Variants in ACAP2 observed in about 807,000 individuals in gnomAD.
The protein encoded by ACAP2 is arf-GAP with coiled-coil, ANK repeat and PH domain-containing protein 2.
ACAP2 carries 39 observed loss-of-function variants against 115.8 expected under a neutral mutation model. The observed-to-expected ratio is 0.34, with a 90% confidence interval of 0.26 to 0.44. The LOEUF is 0.44. ACAP2 is among the 20% of genes least tolerant of loss of function. ACAP2 has a pLI of 1.00. For synonymous variants in ACAP2, 289 were observed against 315.8 expected (o/e 0.92, Z 0.90); for missense variants, 662 against 927.6 (o/e 0.71, Z 3.72).
In ACAP2 at chr3:195,316,893, A is replaced by ATT. The variant is rs60184290; in HGVS notation, c.857+3806_857+3807dup. Among the ~76,000 whole-genome samples the ATT allele has an allele frequency of 1.2e-3, 65 of 53,882 alleles. 2 individuals carry two copies. The highest frequency in any genetic ancestry group is 2.2e-3 in the East Asian group (3 of 1,384). 35.3% of individuals were successfully genotyped at this position (53,882 alleles called of 152,430 possible). On this transcript the variant is annotated intron_variant, in intron 10 of 22. Transcript: ENST00000326793. ...CACTGACTTTCAGAAATGTCAGTGAATTTTTTTTTTTTTTTTTTTTTTTTT... is the reference window on the plus strand; with the variant it reads ...CACTGACTTTCAGAAATGTCAGTGAATTTTTTTTTTTTTTTTTTTTTTTTTTT...
chr3:195,411,130 A>G (rs1713226714), intron 1 of ACAP2: 1 of 191,994 alleles, frequency 5.2e-6, no homozygotes, highest in Non-Finnish European at 1.1e-5. Flanking sequence ...AAAAAACATA[A>G]CAAGTGTCAA....
intron 22 of ACAP2, among the ~76,000 whole-genome samples, chr3:195,284,009 G>A (rs1410548019): frequency 6.6e-6 from 1 of 152,032 alleles, no homozygotes; most frequent in East Asian, 1.9e-4. Context: ...AATGATGGTG[G>A]CAGACACCCA....
chr3:195,380,962 C>A lies in ACAP2; in HGVS notation c.285+47G>T, dbSNP rs187465563. 5 of 1,498,726 alleles carry A rather than the reference C, an allele frequency of 3.3e-6. No individual in the cohort carries two copies. The Admixed American group carries it at 6.5e-5, about 20-fold the overall frequency. 92.8% of individuals were successfully genotyped at this position (1,498,726 alleles called of 1,614,324 possible). ...AAAACATTGCGACTCAAGAAAAATACTAAAATGTTAATATGGTCATAGTAA... is the reference window on the plus strand; with the variant it reads ...AAAACATTGCGACTCAAGAAAAATAATAAAATGTTAATATGGTCATAGTAA... On this transcript the variant is annotated intron_variant, in intron 4 of 22. Transcript: ENST00000326793.
At chr3:195,421,227 T>C (rs1004327597) in intron 1 of ACAP2, among the ~76,000 whole-genome samples, 7 of 152,196 alleles carry the variant, frequency 4.6e-5, no homozygotes, top group African/African-American at 1.7e-4. Flanking sequence ...TATTCACCTC[T>C]AGAAGTTTTC....
intron 5 of ACAP2, among the ~76,000 whole-genome samples, chr3:195,344,576 G>A (rs1401667418): frequency 9.2e-5 from 14 of 151,396 alleles, no homozygotes; most frequent in African/African-American, 2.7e-4. Flanking sequence ...GCTGGAGTGC[G>A]ATGGCGCGAT....
intron 16 of ACAP2, among the ~76,000 whole-genome samples, chr3:195,296,912 A>C (rs774847241): frequency 3.9e-5 from 6 of 152,304 alleles, no homozygotes; most frequent in East Asian, 1.9e-4. Context: ...CATGGACAGA[A>C]CTTTGGTCTA....
intron 1 of ACAP2, among the ~76,000 whole-genome samples, chr3:195,417,078 A>AT (rs11293878): frequency 0.071 from 7,761 of 109,544 alleles, 648 homozygotes; most frequent in African/African-American, 0.2. Flanking sequence ...TGCCTGGCTA[A>AT]TTTTTTTTTT....
At chr3:195,419,512 A>G (rs1714002818) in intron 1 of ACAP2, 1 of 152,196 alleles carries the variant, frequency 6.6e-6, no homozygotes, top group Non-Finnish European at 1.5e-5. Context: ...TGACTGAACA[A>G]TCAACTGAGA....
chr3:195,299,701 G>A (rs1456590850), intron 15 of ACAP2, among the ~76,000 whole-genome samples: 2 of 152,122 alleles, frequency 1.3e-5, no homozygotes, highest in Admixed American at 6.5e-5. Flanking sequence ...AGCTGGGTGT[G>A]GTGGTGGGCA....
At chr3:195,284,266 A>C in intron 22 of ACAP2, among the ~76,000 whole-genome samples, 1 of 152,210 alleles carries the variant, frequency 6.6e-6, no homozygotes, top group East Asian at 1.9e-4. Context: ...ATATTCTTTA[A>C]ACAATTTTTA....
chr3:195,435,321 T>C (rs1457328019), intron 1 of ACAP2, among the ~76,000 whole-genome samples: 1 of 151,896 alleles, frequency 6.6e-6, no homozygotes, highest in Non-Finnish European at 1.5e-5. Context: ...ATTACAGGTG[T>C]GTGCCACCAT....
At chr3:195,397,916 GA>G (rs1711939470) in intron 1 of ACAP2, among the ~76,000 whole-genome samples, 1 of 152,294 alleles carries the variant, frequency 6.6e-6, no homozygotes, top group African/African-American at 2.4e-5. Flanking sequence ...GAAATAGTCT[GA>G]AAAGGGGCAA....
chr3:195,300,721 T>C (rs965848692), intron 15 of ACAP2, among the ~76,000 whole-genome samples: 5 of 152,140 alleles, frequency 3.3e-5, no homozygotes, highest in Non-Finnish European at 5.9e-5. Flanking sequence ...AATTAAGGCA[T>C]AGAATCTGAA....
At chr3:195,436,134 T>TA (rs202118941) in intron 1 of ACAP2, among the ~76,000 whole-genome samples, 329 of 101,226 alleles carry the variant, frequency 3.3e-3, no homozygotes, top group Middle Eastern at 0.017. Context: ...TATATATATA[T>TA]TTTTTTTTTT....
intron 6 of ACAP2, among the ~76,000 whole-genome samples, chr3:195,340,641 T>C (rs1389363442): frequency 6.6e-6 from 1 of 152,146 alleles, no homozygotes; most frequent in South Asian, 2.1e-4. Flanking sequence ...GATAAAAGAA[T>C]GTTTCAAGAA....
chr3:195,332,978 T>C, intron 8 of ACAP2, 50 bp downstream of exon 8: 1 of 1,390,376 alleles, frequency 7.2e-7, no homozygotes. Context: ...TCTTTAAAAA[T>C]ACAAATACCA....
At chr3:195,405,340 A>C (rs1237872119) in intron 1 of ACAP2, among the ~76,000 whole-genome samples, 1 of 152,210 alleles carries the variant, frequency 6.6e-6, no homozygotes, top group African/African-American at 2.4e-5. Context: ...ACTTCCAATT[A>C]ATTTCATCAA....
chr3:195,405,145 C>A (rs1712647752), intron 1 of ACAP2, among the ~76,000 whole-genome samples: 1 of 152,080 alleles, frequency 6.6e-6, no homozygotes, highest in Non-Finnish European at 1.5e-5. Flanking sequence ...ACAAGGACTG[C>A]TAATCTAGCT....
intron 1 of ACAP2, among the ~76,000 whole-genome samples, chr3:195,392,998 G>A (rs1734778336): frequency 6.6e-6 from 1 of 152,146 alleles, no homozygotes; most frequent in Admixed American, 6.5e-5. Context: ...AGTAATGGGG[G>A]ATTTACACTG....
Sources: allele counts gnomAD v4.1 joint callset (sites outside exome capture counted in the v4.1 genomes callset), GRCh38; gene constraint gnomAD v4.1.1; transcripts MANE v1.5; gene names NCBI Gene and HGNC (gene_info 2026-07-23, HGNC 2026-07-21).